The following IGF2BP3 variants were observed in gnomAD, a reference collection of about 807,000 sequenced individuals.
The protein encoded by IGF2BP3 is insulin like growth factor 2 mRNA binding protein 3, also known as insulin-like growth factor 2 mRNA-binding protein 3.
Under a neutral mutation model 73.8 loss-of-function variants are expected in IGF2BP3, and 9 were observed. The observed-to-expected ratio is 0.12, with a 90% CI of 0.07 to 0.21. IGF2BP3 has a LOEUF of 0.21. Ranked by LOEUF, IGF2BP3 falls within the 10% of genes least tolerant of loss-of-function variation. The pLI is 1.00. For missense variants in IGF2BP3, 542 were observed against 714.0 expected (o/e 0.76, Z 2.75); for synonymous variants, 258 against 256.7 (o/e 1.01, Z -0.05).
In IGF2BP3 at chr7:23,461,685, C is replaced by T. The variant is rs539517600; in HGVS notation, c.236+6797G>A. Among the ~76,000 whole-genome samples the T allele has an allele frequency of 5.9e-5, 9 of 152,280 alleles. No individual in the cohort carries two copies. The East Asian group carries it at 1.5e-3, about 26-fold the overall frequency. On this transcript the variant is annotated intron_variant, in intron 2 of 14. Coordinates refer to ENST00000258729, the MANE Select transcript of IGF2BP3 (RefSeq NM_006547.3). ...AAGCTAGTAACATATCATCTCCTGC[C>T]GGAATATTACAACTGTGCTAAATGC... is the stretch of plus-strand genomic sequence containing the variant.
In IGF2BP3 at chr7:23,470,000, A is replaced by T. The variant is rs532046826; in HGVS notation, c.111T>A (p.Thr37=). The T allele has an allele frequency of 9.2e-4, 1,477 of 1,612,848 alleles. 28 individuals are homozygous for T. In the South Asian group the frequency reaches 0.015, roughly 16 times the overall value. ...IPVSGPFLVK[T]GYAFVDCPDE... ...CCGGGCAGTCCACGAACGCGTAGCC[A>T]GTCTTCACCAGGAAGGGTCCCGACA... Residue 37 remains threonine (T), a synonymous_variant, in exon 1 of 15, where the codon ACT becomes ACA. Transcript: ENST00000258729. This position sits in a 1 kb window ranked among gnomAD's most constrained non-coding sequence, Gnocchi z 6.1.
At chr7:23,419,728 C>A (rs1307109042) in intron 2 of IGF2BP3, among the ~76,000 whole-genome samples, 1 of 152,098 alleles carries the variant, frequency 6.6e-6, no homozygotes, top group African/African-American at 2.4e-5. Flanking sequence ...TGGCAGGTGC[C>A]TGTAGTCCCA....
intron 5 of IGF2BP3, among the ~76,000 whole-genome samples, chr7:23,354,763 C>T (rs1175388663): frequency 2.0e-5 from 3 of 152,298 alleles, no homozygotes; most frequent in East Asian, 3.9e-4. Context: ...CCCAGTGTAC[C>T]TTCTGGGCCC....
chr7:23,387,404 A>G (rs1786119835), intron 3 of IGF2BP3, among the ~76,000 whole-genome samples: 1 of 152,254 alleles, frequency 6.6e-6, no homozygotes, highest in Non-Finnish European at 1.5e-5. Flanking sequence ...TGTCCCAGAC[A>G]GGATCATGGA....
chr7:23,449,501 C>A (rs142324779), intron 2 of IGF2BP3, among the ~76,000 whole-genome samples: 1 of 150,356 alleles, frequency 6.7e-6, no homozygotes, highest in South Asian at 2.1e-4. Context: ...TGGGACACAG[C>A]GAGACTCCGT....
At chr7:23,415,539 G>C in intron 3 of IGF2BP3, 1 of 269,280 alleles carries the variant, frequency 3.7e-6, no homozygotes, top group Non-Finnish European at 7.3e-6. Flanking sequence ...TCCGTCAGTC[G>C]GCATCACCGC....
intron 2 of IGF2BP3, among the ~76,000 whole-genome samples, chr7:23,425,148 A>G (rs1460735843): frequency 1.3e-5 from 2 of 152,244 alleles, no homozygotes; most frequent in Admixed American, 6.5e-5. Flanking sequence ...ATCTTTTTAC[A>G]TGAGGTTTGT....
chr7:23,409,042 A>C (rs1486406601), intron 3 of IGF2BP3, among the ~76,000 whole-genome samples: 1 of 152,158 alleles, frequency 6.6e-6, no homozygotes, highest in Non-Finnish European at 1.5e-5. Flanking sequence ...TCTCCTAAGG[A>C]GTGAGCAACC....
chr7:23,403,994 TG>T (rs1179949528), intron 3 of IGF2BP3, among the ~76,000 whole-genome samples: 1 of 151,410 alleles, frequency 6.6e-6, no homozygotes, highest in African/African-American at 2.4e-5. Flanking sequence ...TTTAAATTAA[TG>T]GGGCACAGCG....
At chr7:23,431,704 G>A (rs762094403) in intron 2 of IGF2BP3, among the ~76,000 whole-genome samples, 1 of 152,048 alleles carries the variant, frequency 6.6e-6, no homozygotes, top group African/African-American at 2.4e-5. Context: ...ATTATGGTCC[G>A]AGAACCACCT....
chr7:23,343,833 T>C lies in IGF2BP3; in HGVS notation c.962A>G (p.Tyr321Cys), dbSNP rs1554315919. 4 of 1,612,400 alleles carry C rather than the reference T, an allele frequency of 2.5e-6. No individual in the cohort carries two copies. Among genetic ancestry groups the C allele is most frequent in the Admixed American group, 3.3e-5 (2 of 59,970 alleles). The change falls in exon 9 of 15, where the codon TAT becomes TGT. Residue 321 changes from tyrosine (Y) to cysteine (C), a missense_variant. By Grantham distance (194) the Tyr-to-Cys change is radical. Transcript: ENST00000258729. ...AACTGTAATAGTGCGTTCTGGATTA[T>C]ACAGCGTCAATTCCTGCAATCTGCA... ...TISPLQELTLYNPERTITVKG... is the reference protein window; with the variant it reads ...TISPLQELTLCNPERTITVKG...
chr7:23,421,823 C>T (rs1001975947), intron 2 of IGF2BP3, among the ~76,000 whole-genome samples: 3 of 152,004 alleles, frequency 2.0e-5, no homozygotes, highest in East Asian at 3.9e-4. Context: ...CTCACTCTGT[C>T]GCCCAGGCTG....
At chr7:23,419,482 C>T (rs555358031) in intron 2 of IGF2BP3, among the ~76,000 whole-genome samples, 43 of 152,332 alleles carry the variant, frequency 2.8e-4, no homozygotes, top group African/African-American at 9.6e-4. Context: ...GCACCTATCA[C>T]CAAGTTTTAA....
chr7:23,402,452 T>A (rs1393037238), intron 3 of IGF2BP3: 3 of 152,184 alleles, frequency 2.0e-5, no homozygotes, highest in Non-Finnish European at 4.4e-5. Flanking sequence ...TAAATGATAA[T>A]TTTTATAGAA....
chr7:23,453,931 A>G (rs995988179), intron 2 of IGF2BP3, among the ~76,000 whole-genome samples: 1 of 152,188 alleles, frequency 6.6e-6, no homozygotes, highest in African/African-American at 2.4e-5. Flanking sequence ...GGCTCAAGCC[A>G]TCCCCCTGCC....
At chr7:23,381,468 T>C (rs1785907950) in intron 3 of IGF2BP3, among the ~76,000 whole-genome samples, 1 of 152,230 alleles carries the variant, frequency 6.6e-6, no homozygotes, top group Non-Finnish European at 1.5e-5. Flanking sequence ...TTGATAAATT[T>C]TGAAGCTGGT....
chr7:23,450,235 T>C (rs1240160988), intron 2 of IGF2BP3, among the ~76,000 whole-genome samples: 2 of 152,226 alleles, frequency 1.3e-5, no homozygotes, highest in African/African-American at 4.8e-5. Flanking sequence ...ATAAAGCACT[T>C]CTGCTACCTA....
intron 9 of IGF2BP3, among the ~76,000 whole-genome samples, chr7:23,342,662 A>G (rs1384766992): frequency 6.6e-6 from 1 of 152,194 alleles, no homozygotes; most frequent in Non-Finnish European, 1.5e-5. Context: ...CCCTCTGGAA[A>G]TCAGGACCCA....
intron 2 of IGF2BP3, among the ~76,000 whole-genome samples, chr7:23,467,047 C>G (rs542603360): frequency 6.6e-6 from 1 of 152,298 alleles, no homozygotes; most frequent in South Asian, 2.1e-4. Context: ...TGACTTCTCC[C>G]TCGATTTTCA....
Sources: allele counts gnomAD v4.1 joint callset (sites outside exome capture counted in the v4.1 genomes callset), GRCh38; gene constraint gnomAD v4.1.1; non-coding constraint Gnocchi (gnomAD v3.1); transcripts MANE v1.5; gene names NCBI Gene and HGNC (gene_info 2026-07-23, HGNC 2026-07-21).